Variants in PCDH15 observed in about 807,000 individuals in gnomAD.
PCDH15 encodes the protein protocadherin-15.
PCDH15 carries 129 observed loss-of-function variants against 178.5 expected under a neutral mutation model. The observed-to-expected ratio is 0.72, with a 90% confidence interval of 0.63 to 0.84. The LOEUF (loss-of-function observed/expected upper bound fraction) is 0.84. Ranked by LOEUF, PCDH15 falls within the 40% of genes least tolerant of loss-of-function variation. The pLI is 0.00. For synonymous variants in PCDH15, 800 were observed against 732.0 expected, an observed-to-expected ratio of 1.09 and a Z score of -1.50; for missense variants, 2,230 against 2,099.9, an observed-to-expected ratio of 1.06 and a Z score of -1.21.
At chr10:54,369,368 AT>A in intron 4 of PCDH15, 93 bp from the exon 5 acceptor site, 1 of 1,104,764 alleles carries the variant, frequency 9.1e-7, no homozygotes, top group African/African-American at 1.6e-5. Context: ...ACATTTTTCT[AT>A]TCTTGTTTAT....
chr10:54,559,247 T>C (rs2087730622), intron 2 of PCDH15, among the ~76,000 whole-genome samples: 1 of 152,038 alleles, frequency 6.6e-6, no homozygotes, highest in Non-Finnish European at 1.5e-5. Flanking sequence ...AAGTGCTCAA[T>C]AATAATCCTT....
intron 3 of PCDH15, among the ~76,000 whole-genome samples, chr10:54,842,746 A>G (rs1410310261): frequency 6.6e-6 from 1 of 151,832 alleles, no homozygotes; most frequent in Non-Finnish European, 1.5e-5. Context: ...TTTATTTTGT[A>G]TGGTATTACC....
chr10:53,830,871 C>T (rs780613559), intron 30 of PCDH15, among the ~76,000 whole-genome samples: 1 of 152,164 alleles, frequency 6.6e-6, no homozygotes, highest in Non-Finnish European at 1.5e-5. Context: ...ATCATTTGCA[C>T]AAAGGCAAAT....
At chr10:53,984,143 C>CTTTTTTTTTTTTTTTTTTTTTTT (rs1564928742) in intron 21 of PCDH15, among the ~76,000 whole-genome samples, 1 of 43,748 alleles carries the variant, frequency 2.3e-5, no homozygotes, top group African/African-American at 7.7e-5. Context: ...TTTCTTTTTT[C>CTTTTTTTTTTTTTTTTTTTTTTT]TTTTCTTTTT....
intron 3 of PCDH15, among the ~76,000 whole-genome samples, chr10:54,467,601 G>GTTTTTTTTTTTTTTTTTTTTTTTT (rs67776985): frequency 2.8e-4 from 13 of 45,698 alleles, no homozygotes; most frequent in African/African-American, 3.6e-4. Context: ...TCAAGCTGTA[G>GTTTTTTTTTTTTTTTTTTTTTTTT]TTTTTTTTTT....
chr10:54,781,427 A>C (rs1414692), intron 1 of PCDH15, among the ~76,000 whole-genome samples: 151,710 of 152,200 alleles, frequency 1, 75,614 homozygotes, highest in Middle Eastern at 1. Context: ...AAGACACTTA[A>C]CATATTTCTT....
intron 2 of PCDH15, among the ~76,000 whole-genome samples, chr10:54,640,442 A>C (rs2093962801): frequency 6.6e-6 from 1 of 152,126 alleles, no homozygotes; most frequent in Non-Finnish European, 1.5e-5. Flanking sequence ...TAGTAAAATA[A>C]ATGAACTAAT....
chr10:54,573,386 C>T (rs931667725), intron 2 of PCDH15, among the ~76,000 whole-genome samples: 2 of 152,122 alleles, frequency 1.3e-5, no homozygotes, highest in Admixed American at 1.3e-4. Context: ...CCTCTACCAA[C>T]ACATACACAT....
chr10:54,082,478 A>G (rs540973707), intron 16 of PCDH15, among the ~76,000 whole-genome samples: 1 of 152,296 alleles, frequency 6.6e-6, no homozygotes, highest in East Asian at 1.9e-4. Flanking sequence ...GAATGCCAAG[A>G]CCATTCAAAA....
At chr10:53,959,132 T>A (rs2087972528) in intron 23 of PCDH15, among the ~76,000 whole-genome samples, 1 of 149,100 alleles carries the variant, frequency 6.7e-6, no homozygotes, top group Non-Finnish European at 1.5e-5. Flanking sequence ...ATGCATATAG[T>A]GTATATATAT....
At chr10:54,785,778 G>T (rs911696788) in intron 1 of PCDH15, among the ~76,000 whole-genome samples, 2 of 151,936 alleles carry the variant, frequency 1.3e-5, no homozygotes, top group African/African-American at 4.8e-5. Context: ...ATCTGTTTCT[G>T]CAGAGACAGA....
intron 1 of PCDH15, among the ~76,000 whole-genome samples, chr10:55,221,174 G>A (rs1011847646): frequency 1.3e-5 from 2 of 151,956 alleles, no homozygotes; most frequent in Non-Finnish European, 2.9e-5. Flanking sequence ...CACATACATT[G>A]CACAATACAT....
chr10:53,839,683 T>G (rs2077524381), intron 29 of PCDH15, among the ~76,000 whole-genome samples: 1 of 152,130 alleles, frequency 6.6e-6, no homozygotes, highest in African/African-American at 2.4e-5. Flanking sequence ...AATTTTTTTT[T>G]TTTTAAGTAT....
chr10:55,234,214 T>C (rs1193408932), intron 1 of PCDH15, among the ~76,000 whole-genome samples: 1 of 152,088 alleles, frequency 6.6e-6, no homozygotes, highest in African/African-American at 2.4e-5. Context: ...GATTCCACAA[T>C]CTAGAACTTG....
intron 2 of PCDH15, chr10:54,606,439 A>T (rs1226220684): frequency 6.6e-6 from 1 of 152,144 alleles, no homozygotes; most frequent in Non-Finnish European, 1.5e-5. Flanking sequence ...TTCAGTTTTG[A>T]GATATATGAG....
intron 1 of PCDH15, among the ~76,000 whole-genome samples, chr10:54,772,527 C>A (rs1949214198): frequency 6.6e-6 from 1 of 152,062 alleles, no homozygotes; most frequent in Non-Finnish European, 1.5e-5. Flanking sequence ...CTCAACATCA[C>A]TGATCATTAG....
At chr10:54,812,739 G>A (rs1199546223) in intron 3 of PCDH15, among the ~76,000 whole-genome samples, 1 of 152,032 alleles carries the variant, frequency 6.6e-6, no homozygotes, top group Non-Finnish European at 1.5e-5. Flanking sequence ...TAACAGGTGT[G>A]AGCCACCACA....
intron 1 of PCDH15, among the ~76,000 whole-genome samples, chr10:55,307,193 T>G (rs1337092730): frequency 3.3e-5 from 5 of 152,078 alleles, no homozygotes; most frequent in African/African-American, 1.2e-4. Flanking sequence ...TTCTAATCTC[T>G]TGCTTTCTTT....
chr10:55,231,637 T>C (rs1001601721), intron 1 of PCDH15, among the ~76,000 whole-genome samples: 4 of 151,978 alleles, frequency 2.6e-5, no homozygotes, highest in African/African-American at 9.7e-5. Flanking sequence ...AACAATTAAA[T>C]GGCATGATCA....
Sources: gnomAD v4.1 joint callset for allele counts (sites outside exome capture counted in the v4.1 genomes callset) on GRCh38, gnomAD v4.1.1 for gene constraint, MANE v1.5 for transcripts, NCBI Gene and HGNC (gene_info 2026-07-23, HGNC 2026-07-21) for gene names.